SMARCC1: variants seen among roughly 807,000 people sequenced by gnomAD.
SMARCC1 encodes SWI/SNF complex subunit SMARCC1.
SMARCC1 carries 43 observed loss-of-function variants against 147.4 expected under a neutral mutation model. The ratio of observed to expected loss-of-function variants is 0.29; its 90% confidence interval spans 0.23 to 0.38. SMARCC1 has a LOEUF of 0.38. Among genes scored for constraint, SMARCC1 ranks in the 10% least tolerant of loss-of-function variants. The pLI is 1.00. For missense variants in SMARCC1, 1,119 were observed against 1,381.1 expected (o/e 0.81, Z 3.01); for synonymous variants, 495 against 484.4 (o/e 1.02, Z -0.29).
intron 18 of SMARCC1, among the ~76,000 whole-genome samples, chr3:47,673,491 C>G (rs974412632): frequency 2.0e-5 from 3 of 147,170 alleles, no homozygotes; most frequent in African/African-American, 7.4e-5. Flanking sequence ...AGTTCAAAGA[C>G]CAGCCTAGTC....
intron 19 of SMARCC1, chr3:47,663,849 T>A: frequency 1.9e-6 from 3 of 1,559,526 alleles, no homozygotes. Flanking sequence ...CAGCTCATGA[T>A]GTGCACCTGG....
chr3:47,780,676 G>A (rs898601934), intron 1 of SMARCC1, among the ~76,000 whole-genome samples: 1 of 152,212 alleles, frequency 6.6e-6, no homozygotes, highest in Non-Finnish European at 1.5e-5. Context: ...AGTGAACAAA[G>A]CCCTTGCTTC....
At chr3:47,758,701 T>C (rs1400540889) in intron 2 of SMARCC1, among the ~76,000 whole-genome samples, 1 of 152,196 alleles carries the variant, frequency 6.6e-6, no homozygotes, top group Admixed American at 6.6e-5. Flanking sequence ...GAATATTTAC[T>C]ATCTGTCCCT....
chr3:47,702,757 C>A (rs2033939236), intron 10 of SMARCC1, among the ~76,000 whole-genome samples: 1 of 152,122 alleles, frequency 6.6e-6, no homozygotes, highest in South Asian at 2.1e-4. Context: ...CACCATCATG[C>A]CCAGACTATT....
rs192082526 is a variant in SMARCC1 at position 47,696,142 on chromosome 3, G to A, written c.1166-2842C>T. Among the ~76,000 whole-genome samples, 562 of 151,366 alleles carry A rather than the reference G, an allele frequency of 3.7e-3. 5 individuals carry two copies. Among genetic ancestry groups the A allele is most frequent in the African/African-American group, 0.012 (507 of 41,242 alleles). The stretch of plus-strand genomic sequence containing the variant: ...TCCTAGCACTTTGGGAGGCCAAGGC[G>A]GGTGGATCACCTGAGATCAGAAGTT... On this transcript the variant is annotated intron_variant, in intron 11 of 27. Coordinates refer to ENST00000254480, the MANE Select transcript of SMARCC1 (RefSeq NM_003074.4).
chr3:47,595,287 G>T (rs1333329608), intron 26 of SMARCC1, among the ~76,000 whole-genome samples: 1 of 152,156 alleles, frequency 6.6e-6, no homozygotes, highest in Non-Finnish European at 1.5e-5. Context: ...CAGTACTTTG[G>T]GAGGCCGAGG....
At chr3:47,756,533 C>CAAAAAAA (rs11353915) in intron 2 of SMARCC1, among the ~76,000 whole-genome samples, 1 of 83,108 alleles carries the variant, frequency 1.2e-5, no homozygotes, top group Non-Finnish European at 2.3e-5. Flanking sequence ...AACTCCGTCT[C>CAAAAAAA]AAAAAAAAAA....
intron 21 of SMARCC1, among the ~76,000 whole-genome samples, chr3:47,656,618 T>C (rs913601452): frequency 2.0e-5 from 3 of 152,006 alleles, no homozygotes; most frequent in African/African-American, 7.3e-5. Context: ...AGTAAATCGA[T>C]GTAAACAGAA....
chr3:47,673,773 A>C (rs1027127775), intron 18 of SMARCC1, among the ~76,000 whole-genome samples: 1 of 152,248 alleles, frequency 6.6e-6, no homozygotes, highest in African/African-American at 2.4e-5. Flanking sequence ...GACACAATTT[A>C]ACTTATATGA....
intron 26 of SMARCC1, among the ~76,000 whole-genome samples, chr3:47,607,326 C>A (rs2032491303): frequency 6.6e-6 from 1 of 152,172 alleles, no homozygotes; most frequent in Admixed American, 6.5e-5. Context: ...AAACTTAGCC[C>A]TGTTTTTCGG....
intron 19 of SMARCC1, chr3:47,663,826 C>G: frequency 1.3e-6 from 2 of 1,583,400 alleles, no homozygotes; most frequent in Non-Finnish European, 1.7e-6. Context: ...ACCGGGGCAA[C>G]AGCCAGCGCT....
At position 47,770,466 on chromosome 3, in the gene SMARCC1, C is replaced by A. The variant is rs563743112; in HGVS notation, c.315+2351G>T. ...TGAAACCCCGTCTCTACTAAAAACA[C>A]AAAAAAATTAACCAGGCATGGTGGC... is the stretch of plus-strand genomic sequence containing the variant. On this transcript the variant is annotated intron_variant, in intron 2 of 27. Transcript: ENST00000254480. Among the ~76,000 whole-genome samples the A allele has an allele frequency of 2.0e-5, 3 of 150,906 alleles. No individual in the cohort carries two copies. In the East Asian group the frequency reaches 5.9e-4, roughly 30 times the overall value.
At chr3:47,702,561 G>GCCT (rs1485995270) in intron 10 of SMARCC1, among the ~76,000 whole-genome samples, 2 of 152,140 alleles carry the variant, frequency 1.3e-5, no homozygotes, top group African/African-American at 4.8e-5. Flanking sequence ...TTCGAGACCA[G>GCCT]CCTCGGAAAC....
At chr3:47,758,459 G>A (rs2034730034) in intron 2 of SMARCC1, among the ~76,000 whole-genome samples, 4 of 151,652 alleles carry the variant, frequency 2.6e-5, no homozygotes, top group Admixed American at 2.0e-4. Context: ...AAGCCCTAGA[G>A]GTCAAGGCTG....
intron 21 of SMARCC1, among the ~76,000 whole-genome samples, chr3:47,653,042 C>T (rs556674786): frequency 1.3e-5 from 2 of 151,572 alleles, no homozygotes; most frequent in Admixed American, 6.6e-5. Flanking sequence ...CTGCAAGCTC[C>T]GCTTCCCGGG....
intron 24 of SMARCC1, among the ~76,000 whole-genome samples, chr3:47,629,446 T>G (rs965122321): frequency 6.6e-6 from 1 of 152,180 alleles, no homozygotes; most frequent in Non-Finnish European, 1.5e-5. Context: ...ATCTTCTACC[T>G]TGAGCTGTGC....
intron 21 of SMARCC1, among the ~76,000 whole-genome samples, chr3:47,660,550 A>C (rs572366433): frequency 6.6e-6 from 1 of 152,294 alleles, no homozygotes; most frequent in South Asian, 2.1e-4. Flanking sequence ...CAGCACTGAC[A>C]AGAATGAGAT....
At chr3:47,721,346 CT>C (rs914329770) in intron 6 of SMARCC1, among the ~76,000 whole-genome samples, 6 of 152,242 alleles carry the variant, frequency 3.9e-5, no homozygotes, top group Admixed American at 6.5e-5. Context: ...ATATTGTAGA[CT>C]TTTTTTCAAA....
chr3:47,732,194 C>T (rs1009913992), intron 5 of SMARCC1, among the ~76,000 whole-genome samples: 1 of 152,178 alleles, frequency 6.6e-6, no homozygotes, highest in African/African-American at 2.4e-5. Flanking sequence ...ATTAGGCAAC[C>T]TCTGCTGGCT....
Sources: allele counts gnomAD v4.1 joint callset (sites outside exome capture counted in the v4.1 genomes callset), GRCh38; gene constraint gnomAD v4.1.1; transcripts MANE v1.5; gene names NCBI Gene and HGNC (gene_info 2026-07-23, HGNC 2026-07-21).